Variants in NFATC3 observed in about 807,000 individuals in gnomAD.
NFATC3 encodes nuclear factor of activated T cells 3.
In NFATC3, 46 loss-of-function variants were observed where a neutral mutation model predicts 98.6. The observed-to-expected ratio is 0.47, with a 90% CI of 0.37 to 0.60. The LOEUF (loss-of-function observed/expected upper bound fraction) is 0.60, where lower values mean the gene tolerates loss of function less well. Ranked by LOEUF, NFATC3 falls within the 20% of genes least tolerant of loss-of-function variation. NFATC3 has a pLI of 0.00. For missense variants in NFATC3, 1,256 were observed against 1,295.5 expected (o/e 0.97, Z 0.47); for synonymous variants, 512 against 472.2 (o/e 1.08, Z -1.09).
At chr16:68,166,641 T>A (rs770785090) in intron 4 of NFATC3, among the ~76,000 whole-genome samples, 6 of 152,236 alleles carry the variant, frequency 3.9e-5, no homozygotes, top group Non-Finnish European at 7.3e-5. Flanking sequence ...GACAATCTGC[T>A]AAGTTTTGCA....
At chr16:68,195,724 C>T (rs896806371) in intron 9 of NFATC3, among the ~76,000 whole-genome samples, 3 of 151,982 alleles carry the variant, frequency 2.0e-5, no homozygotes, top group Non-Finnish European at 2.9e-5. Flanking sequence ...AGGAGAATGG[C>T]GTGAACCCAA....
At chr16:68,200,630 C>A (rs1450593254) in intron 9 of NFATC3, 1 of 152,084 alleles carries the variant, frequency 6.6e-6, no homozygotes, top group East Asian at 1.9e-4. Context: ...TTCAAGTAGT[C>A]CCCCTGGAAG....
intron 1 of NFATC3, among the ~76,000 whole-genome samples, chr16:68,108,199 T>C (rs771419252): frequency 6.6e-6 from 1 of 152,226 alleles, no homozygotes; most frequent in Non-Finnish European, 1.5e-5. Context: ...CTAGGGTTTT[T>C]ATAGTTTGGG....
At chr16:68,144,732 A>G (rs1004449778) in intron 3 of NFATC3, among the ~76,000 whole-genome samples, 1 of 151,904 alleles carries the variant, frequency 6.6e-6, no homozygotes, top group African/African-American at 2.4e-5. Flanking sequence ...ATCTCAGCTC[A>G]CTGCCACCTC....
In NFATC3 at chr16:68,226,924, GAAAA is replaced by G. The variant is rs1567559802; in HGVS notation, c.*459_*462del. ...AAAAAAAAAAAAAAAAAAAAAAAAA[GAAAA>G]AAAAAGAAAAGAAAAAAAGAAAAAG... On this transcript the variant is annotated 3_prime_UTR_variant, in exon 10 of 10. Coordinates refer to ENST00000346183, the MANE Select transcript of NFATC3 (RefSeq NM_173165.3). 1 of 85,486 alleles carries G rather than the reference GAAAA, an allele frequency of 1.2e-5. No individual in the cohort carries two copies. The highest frequency in any genetic ancestry group is 4.5e-5 in the African/African-American group (1 of 22,392). The allele number at this position is 85,486 out of a possible 1,614,324, so 5.3% of individuals were successfully genotyped here.
At chr16:68,201,981 AAAAG>A (rs1466104740) in intron 9 of NFATC3, among the ~76,000 whole-genome samples, 1 of 151,128 alleles carries the variant, frequency 6.6e-6, no homozygotes, top group African/African-American at 2.4e-5. Context: ...AAAAAAAAAA[AAAAG>A]ATTATAGTAT....
In NFATC3 at chr16:68,195,379, AG is replaced by A. The variant is rs201756378; in HGVS notation, c.3106+3609del. On this transcript the variant is annotated intron_variant, in intron 9 of 9. Coordinates refer to ENST00000346183, the MANE Select transcript of NFATC3 (RefSeq NM_173165.3). ...CAGTGCTGCCAAGCAGTAATTACAG[AG>A]GGGGAAGAGCAGTACACAATGGTGT... is the stretch of plus-strand genomic sequence containing the variant. Among the ~76,000 whole-genome samples, 1,393 of 152,220 alleles carry A rather than the reference AG, an allele frequency of 9.2e-3. 15 individuals are homozygous for A. Among genetic ancestry groups the A allele is most frequent in the Middle Eastern group, 0.017 (5 of 294 alleles).
In NFATC3 at chr16:68,121,984, T is replaced by C; in HGVS notation, c.104-3T>C. The stretch of plus-strand genomic sequence containing the variant: ...TTTTTTTTTTTTGCCTTCCTCCCCG[T>C]AGATCTTGAGCCAGATGATTGTGCA... On this transcript the variant is annotated splice_polypyrimidine_tract_variant and splice_region_variant and intron_variant, in intron 1 of 9. Transcript: ENST00000346183. The C allele has an allele frequency of 6.4e-7, 1 of 1,568,646 alleles. No homozygotes were observed. Among genetic ancestry groups the C allele is most frequent in the Non-Finnish European group, 8.6e-7 (1 of 1,159,588 alleles).
intron 9 of NFATC3, among the ~76,000 whole-genome samples, chr16:68,224,153 C>T (rs2041964074): frequency 6.7e-6 from 1 of 149,132 alleles, no homozygotes; most frequent in African/African-American, 2.5e-5. Flanking sequence ...AAAAGCTTAT[C>T]ACTTAGTAGT....
intron 3 of NFATC3, among the ~76,000 whole-genome samples, chr16:68,137,744 G>A (rs1459608807): frequency 6.6e-6 from 1 of 151,608 alleles, no homozygotes; most frequent in East Asian, 1.9e-4. Flanking sequence ...CTCCCGAGTA[G>A]CTGGGACTAC....
intron 3 of NFATC3, among the ~76,000 whole-genome samples, chr16:68,149,129 T>C (rs1459438601): frequency 6.6e-6 from 1 of 151,824 alleles, no homozygotes; most frequent in African/African-American, 2.4e-5. Flanking sequence ...GAGAATGAAG[T>C]GGAGGTTCTA....
chr16:68,148,246 C>A (rs1298031263), intron 3 of NFATC3, among the ~76,000 whole-genome samples: 2 of 152,206 alleles, frequency 1.3e-5, no homozygotes, highest in East Asian at 1.9e-4. Context: ...GAACTCCCGA[C>A]CTCGGGTGAT....
intron 1 of NFATC3, among the ~76,000 whole-genome samples, chr16:68,108,120 T>A (rs2035760615): frequency 6.6e-6 from 1 of 152,210 alleles, no homozygotes; most frequent in Non-Finnish European, 1.5e-5. Flanking sequence ...CAATTGCTTT[T>A]GCCATTTTCA....
At chr16:68,220,594 CTT>C (rs575448565) in intron 9 of NFATC3, among the ~76,000 whole-genome samples, 22 of 139,522 alleles carry the variant, frequency 1.6e-4, no homozygotes, top group Non-Finnish European at 1.9e-4. Flanking sequence ...TTTATTTTTC[CTT>C]TTTTTTTTTT....
chr16:68,202,722 G>T (rs1233311112), intron 9 of NFATC3, among the ~76,000 whole-genome samples: 2 of 152,128 alleles, frequency 1.3e-5, no homozygotes, highest in African/African-American at 4.8e-5. Flanking sequence ...TGAGGCAGGA[G>T]AATCGCTTGA....
chr16:68,115,133 A>T (rs2036204966), intron 1 of NFATC3, among the ~76,000 whole-genome samples: 1 of 150,632 alleles, frequency 6.6e-6, no homozygotes, highest in African/African-American at 2.4e-5. Context: ...GTGCAATCTC[A>T]GCTCACTGCA....
chr16:68,181,451 A>G, intron 6 of NFATC3, 24 bp from the exon 7 acceptor site: 1 of 1,586,654 alleles, frequency 6.3e-7, no homozygotes, highest in Non-Finnish European at 8.6e-7. Context: ...ATTGCTTTTA[A>G]CTATAAACTC....
chr16:68,141,103 T>C (rs767670840), intron 3 of NFATC3, among the ~76,000 whole-genome samples: 7 of 152,242 alleles, frequency 4.6e-5, no homozygotes, highest in Non-Finnish European at 1.0e-4. Flanking sequence ...AATAATGGCC[T>C]TCAGTACCAT....
intron 1 of NFATC3, among the ~76,000 whole-genome samples, chr16:68,100,907 G>GGGTGTGT (rs2035311317): frequency 1.4e-5 from 2 of 142,824 alleles, no homozygotes; most frequent in African/African-American, 5.0e-5. Context: ...GTGTGTGTGG[G>GGGTGTGT]GTGTGTGTGT....
Sources: allele counts gnomAD v4.1 joint callset (sites outside exome capture counted in the v4.1 genomes callset), GRCh38; gene constraint gnomAD v4.1.1; transcripts MANE v1.5; gene names NCBI Gene and HGNC (gene_info 2026-07-23, HGNC 2026-07-21).